PALM2AKAP2: variants seen among roughly 807,000 people sequenced by gnomAD.
PALM2AKAP2 encodes the protein PALM2-AKAP2 fusion protein.
A neutral mutation model predicts 71.5 loss-of-function variants in PALM2AKAP2; 37 were observed. The ratio of observed to expected loss-of-function variants is 0.52; its 90% CI spans 0.40 to 0.68. The LOEUF is 0.68. PALM2AKAP2 is among the 30% of genes least tolerant of loss of function. The pLI, the probability that PALM2AKAP2 is intolerant of heterozygous loss-of-function variation, is 0.00. For missense variants in PALM2AKAP2, 1,224 were observed against 1,191.8 expected, an observed-to-expected ratio of 1.03 and a Z score of -0.40; for synonymous variants, 468 against 478.8, an observed-to-expected ratio of 0.98 and a Z score of 0.29.
chr9:109,672,275 C>G (rs1827584731), intron 1 of PALM2AKAP2, among the ~76,000 whole-genome samples: 1 of 152,016 alleles, frequency 6.6e-6, no homozygotes, highest in African/African-American at 2.4e-5. Context: ...GAGTTGTGTT[C>G]CTTCAATACC....
At chr9:109,777,373 T>C (rs1829363729), upstream of PALM2AKAP2, among the ~76,000 whole-genome samples, 1 of 152,210 alleles carries the variant, frequency 6.6e-6, no homozygotes. Context: ...TGACTGTATC[T>C]TTGGCCTAAT....
At chr9:109,751,950 A>C (rs1410076894) in intron 1 of PALM2AKAP2, among the ~76,000 whole-genome samples, 2 of 152,170 alleles carry the variant, frequency 1.3e-5, no homozygotes, top group East Asian at 3.8e-4. Context: ...AAGGTGAGCT[A>C]TCTAAGTCTA....
chr9:109,730,661 A>T (rs1828544364), intron 1 of PALM2AKAP2, among the ~76,000 whole-genome samples: 1 of 152,244 alleles, frequency 6.6e-6, no homozygotes, highest in Non-Finnish European at 1.5e-5. Flanking sequence ...AATGTGTCTT[A>T]GAAACCATTA....
At chr9:109,889,402 G>A (rs1369422015) in intron 3 of PALM2AKAP2, among the ~76,000 whole-genome samples, 2 of 152,202 alleles carry the variant, frequency 1.3e-5, no homozygotes, top group African/African-American at 4.8e-5. Flanking sequence ...GCCTGAAAGT[G>A]ACAGGAAACT....
At chr9:109,745,961 A>T (rs765530927) in intron 1 of PALM2AKAP2, among the ~76,000 whole-genome samples, 1 of 152,230 alleles carries the variant, frequency 6.6e-6, no homozygotes, top group Non-Finnish European at 1.5e-5. Flanking sequence ...ACTAGCCTGC[A>T]GAGCTTGGCA....
intron 1 of PALM2AKAP2, among the ~76,000 whole-genome samples, chr9:110,072,188 G>T (rs558069706): frequency 6.6e-6 from 1 of 152,284 alleles, no homozygotes; most frequent in South Asian, 2.1e-4. Context: ...GCAAAAATGA[G>T]GGGGAGGAGA....
At chr9:109,995,979 GC>G (rs1832568745) in intron 6 of PALM2AKAP2, among the ~76,000 whole-genome samples, 1 of 152,154 alleles carries the variant, frequency 6.6e-6, no homozygotes, top group African/African-American at 2.4e-5. Context: ...TCTCCACTCT[GC>G]CTTCAGCCTA....
chr9:110,055,553 C>T (rs925952937), intron 1 of PALM2AKAP2, among the ~76,000 whole-genome samples: 10 of 152,160 alleles, frequency 6.6e-5, no homozygotes, highest in Admixed American at 3.3e-4. Flanking sequence ...TAGTGTTCTA[C>T]GCTTACGACC....
At chr9:109,780,140 G>C (rs1407192220), upstream of PALM2AKAP2, among the ~76,000 whole-genome samples, 3 of 151,024 alleles carry the variant, frequency 2.0e-5, no homozygotes, top group African/African-American at 7.3e-5. Context: ...GCGAGGCACC[G>C]AGACGTCAGG....
intron 1 of PALM2AKAP2, among the ~76,000 whole-genome samples, chr9:109,715,639 C>T (rs1828307102): frequency 6.6e-6 from 1 of 152,184 alleles, no homozygotes; most frequent in Admixed American, 6.5e-5. Flanking sequence ...CATTCCTCTG[C>T]CCATGCCCAT....
upstream of PALM2AKAP2, among the ~76,000 whole-genome samples, chr9:110,046,571 C>G (rs1833600813): frequency 6.7e-6 from 1 of 148,502 alleles, no homozygotes; most frequent in South Asian, 2.1e-4. Context: ...CACGTTCAAA[C>G]AATTCTCCTG....
At chr9:109,662,697 A>G (rs534059060) in intron 1 of PALM2AKAP2, among the ~76,000 whole-genome samples, 1 of 152,236 alleles carries the variant, frequency 6.6e-6, no homozygotes, top group East Asian at 1.9e-4. Context: ...TGAGTTAGGG[A>G]GGAGTCCCTC....
intron 1 of PALM2AKAP2, among the ~76,000 whole-genome samples, chr9:110,123,306 T>G (rs1416847713): frequency 1.3e-5 from 2 of 152,222 alleles, no homozygotes; most frequent in African/African-American, 2.4e-5. Context: ...TCAGCAGAGT[T>G]GGTTCCTTTG....
chr9:109,791,521 C>T (rs1434854096), intron 1 of PALM2AKAP2, among the ~76,000 whole-genome samples: 2 of 152,062 alleles, frequency 1.3e-5, no homozygotes, highest in East Asian at 1.9e-4. Context: ...GGAGATAGGG[C>T]ACCCCAGGCT....
At chr9:109,657,452 T>TTGTGTGTGTGTG (rs3062680) in intron 1 of PALM2AKAP2, among the ~76,000 whole-genome samples, 18,271 of 147,026 alleles carry the variant, frequency 0.12, 1,269 homozygotes, top group African/African-American at 0.18. Context: ...AATATGGTAT[T>TTGTGTGTGTGTG]TGTGTGTGTG....
At chr9:109,687,074 T>G (rs1340422809) in intron 1 of PALM2AKAP2, among the ~76,000 whole-genome samples, 12 of 152,126 alleles carry the variant, frequency 7.9e-5, no homozygotes. Flanking sequence ...ATCCAGTATA[T>G]CATTGTTGGT....
chr9:109,790,170 C>T (rs146710240), intron 1 of PALM2AKAP2, among the ~76,000 whole-genome samples: 34 of 152,324 alleles, frequency 2.2e-4, no homozygotes, highest in African/African-American at 7.5e-4. Context: ...ACACATCTTC[C>T]TGTCCATCAT....
At chr9:109,921,903 G>T (rs1474714278) in intron 3 of PALM2AKAP2, among the ~76,000 whole-genome samples, 1 of 152,110 alleles carries the variant, frequency 6.6e-6, no homozygotes, top group African/African-American at 2.4e-5. Context: ...TGGATATAGG[G>T]CTTGCCTTCA....
intron 1 of PALM2AKAP2, among the ~76,000 whole-genome samples, chr9:110,068,680 C>T (rs56958651): frequency 0.12 from 17,494 of 151,868 alleles, 1,071 homozygotes; most frequent in Middle Eastern, 0.22. Flanking sequence ...CACAGGTGTG[C>T]GCCACCATGC....
Sources: allele counts gnomAD v4.1 joint callset (sites outside exome capture counted in the v4.1 genomes callset), GRCh38; gene constraint gnomAD v4.1.1; transcripts MANE v1.5; gene names NCBI Gene and HGNC (gene_info 2026-07-23, HGNC 2026-07-21).